Variants in PRDM6 observed in about 807,000 individuals in gnomAD.
PRDM6 encodes PR/SET domain 6.
In PRDM6, 25 loss-of-function variants were observed where a neutral mutation model predicts 60.8. The observed-to-expected ratio is 0.41, with a 90% confidence interval of 0.30 to 0.57. The LOEUF (loss-of-function observed/expected upper bound fraction) is 0.57, where lower values mean the gene tolerates loss of function less well. PRDM6 is among the 20% of genes least tolerant of loss of function. PRDM6 has a pLI of 0.27. For missense variants in PRDM6, 839 were observed against 821.3 expected, an observed-to-expected ratio of 1.02 and a Z score of -0.26; for synonymous variants, 407 against 357.4, an observed-to-expected ratio of 1.14 and a Z score of -1.57.
chr5:123,161,854 G>A (rs1398797244), intron 5 of PRDM6, among the ~76,000 whole-genome samples: 2 of 152,202 alleles, frequency 1.3e-5, no homozygotes, highest in African/African-American at 2.4e-5. Context: ...AATAATCCCT[G>A]AGTGGAGACT....
chr5:123,090,218 C>G lies in PRDM6; in HGVS notation c.204C>G (p.Ser68Arg), dbSNP rs1010945792. Residue 68 changes from serine to arginine, a missense_variant, in exon 2 of 8, where the codon AGC becomes AGG. Around this residue, in one of 2 missense-constraint regions of PRDM6, gnomAD observed 730 missense variants for 648.8 expected, o/e 1.13. Transcript: ENST00000407847. ...AGCGCGCTGAGCCTCCGCCGGACAG[C>G]CTGCGCCCGCGGCCCGCCTCTCTCT... is the stretch of plus-strand genomic sequence containing the variant. The part of the protein sequence containing the change: ...PPERAEPPPD[S>R]LRPRPASLSS... 3 of 1,474,732 alleles carry G rather than the reference C, an allele frequency of 2.0e-6. No individual in the cohort carries two copies. The highest frequency in any genetic ancestry group is 2.7e-6 in the Non-Finnish European group (3 of 1,114,594). 91.4% of individuals were successfully genotyped at this position (1,474,732 alleles called of 1,614,324 possible). A position where few individuals can be genotyped will look rare whatever the true frequency, so the allele number is the denominator to read the frequency against.
intron 3 of PRDM6, among the ~76,000 whole-genome samples, chr5:123,105,319 T>G (rs1482518319): frequency 6.6e-6 from 1 of 152,212 alleles, no homozygotes; most frequent in Non-Finnish European, 1.5e-5. Context: ...GGTTAGTGGG[T>G]AAATGAAACC....
intron 3 of PRDM6, among the ~76,000 whole-genome samples, chr5:123,140,115 C>G (rs1765063344): frequency 2.0e-5 from 3 of 151,910 alleles, no homozygotes; most frequent in African/African-American, 7.3e-5. Context: ...CAAGTGATAT[C>G]ATAATAATAT....
chr5:123,133,842 A>T (rs1764894173), intron 3 of PRDM6, among the ~76,000 whole-genome samples: 2 of 149,540 alleles, frequency 1.3e-5, no homozygotes, highest in South Asian at 4.3e-4. Context: ...AAAAAAAAAA[A>T]GGAAAGTCTC....
chr5:123,110,149 C>T (rs1319140029), intron 3 of PRDM6, among the ~76,000 whole-genome samples: 3 of 152,046 alleles, frequency 2.0e-5, no homozygotes, highest in Non-Finnish European at 4.4e-5. Context: ...CCAAGTGACA[C>T]TCTGCAGTTA....
At chr5:123,161,501 T>C (rs1765630117) in intron 5 of PRDM6, among the ~76,000 whole-genome samples, 1 of 152,154 alleles carries the variant, frequency 6.6e-6, no homozygotes, top group African/African-American at 2.4e-5. Context: ...CAGGGTAAGC[T>C]TCACTGGGAA....
At position 123,193,186 on chromosome 5, in the gene PRDM6, G is replaced by A. The variant is rs1324898389; in HGVS notation, c.*5985G>A. On this transcript the variant is annotated 3_prime_UTR_variant, in exon 8 of 8. Transcript: ENST00000407847. ...ATATTTTCCTTGTCAAACATGGTGG[G>A]TCCTGGTTGATATCTCCTGTTTCCT... The A allele has an allele frequency of 6.6e-6, 1 of 152,148 alleles. No homozygotes were observed. The highest frequency in any genetic ancestry group is 1.5e-5 in the Non-Finnish European group (1 of 68,034). The allele number at this position is 152,148 out of a possible 1,614,324, so 9.4% of individuals were successfully genotyped here. A position where few individuals can be genotyped will look rare whatever the true frequency, so the allele number is the denominator to read the frequency against.
intron 5 of PRDM6, among the ~76,000 whole-genome samples, chr5:123,166,443 GT>G (rs1232018990): frequency 7.9e-5 from 10 of 125,996 alleles, no homozygotes; most frequent in Admixed American, 5.0e-4. Context: ...TAAAATTTAT[GT>G]TTTTGTTTTT....
rs1195735144 is a variant in PRDM6, at chr5:123,191,409, C to G, written c.*4208C>G. The G allele has an allele frequency of 2.0e-5, 3 of 152,080 alleles. No individual in the cohort carries two copies. Among genetic ancestry groups the G allele is most frequent in the Non-Finnish European group, 4.4e-5 (3 of 68,024 alleles). The allele number at this position is 152,080 out of a possible 1,614,324, so 9.4% of individuals were successfully genotyped here. A position where few individuals can be genotyped will look rare whatever the true frequency, so the allele number is the denominator to read the frequency against. On this transcript the variant is annotated 3_prime_UTR_variant, in exon 8 of 8. Coordinates refer to ENST00000407847, the MANE Select transcript of PRDM6 (RefSeq NM_001136239.4). ...TGCGTTTAGGAGCAAATTCATTGCT[C>G]TCATATTAAGGCTATGCATGCCTAC...
intron 5 of PRDM6, among the ~76,000 whole-genome samples, chr5:123,163,237 T>G (rs1298337222): frequency 6.6e-6 from 1 of 152,212 alleles, no homozygotes; most frequent in Non-Finnish European, 1.5e-5. Context: ...TTGTTGTTGT[T>G]AATGAAATTG....
rs1027439484 is a variant in PRDM6, at chr5:123,171,148, T to C, written c.1496+40T>C. ...CACTGCTGACAGTGTGTTTGCTTAG[T>C]GAGACCCACTGCTTGCCTTCCCGCC... On this transcript the variant is annotated intron_variant, in intron 6 of 7. Coordinates refer to ENST00000407847, the MANE Select transcript of PRDM6 (RefSeq NM_001136239.4). 1.3e-5 allele frequency: 19 copies of C among 1,455,722 alleles called. No homozygotes were observed. In the African/African-American group the frequency reaches 2.1e-4, roughly 16 times the overall value. 90.2% of individuals were successfully genotyped at this position (1,455,722 alleles called of 1,614,324 possible).
chr5:123,107,030 A>G (rs1764211411), intron 3 of PRDM6, among the ~76,000 whole-genome samples: 1 of 152,180 alleles, frequency 6.6e-6, no homozygotes, highest in African/African-American at 2.4e-5. Flanking sequence ...TCTTACAATT[A>G]TGAAATTTCA....
chr5:123,089,814 C>G (rs1193494404), intron 1 of PRDM6, among the ~76,000 whole-genome samples, 186 bp from the exon 2 acceptor site: 1 of 152,222 alleles, frequency 6.6e-6, no homozygotes, highest in Non-Finnish European at 1.5e-5. Context: ...ACAGCTCCCT[C>G]TGTGCGGCGC....
chr5:123,162,820 C>T (rs1479337580), intron 5 of PRDM6, among the ~76,000 whole-genome samples: 1 of 152,166 alleles, frequency 6.6e-6, no homozygotes, highest in Non-Finnish European at 1.5e-5. Context: ...CTTTGACTGC[C>T]TCTAAGATGG....
chr5:123,116,469 C>G (rs1764449797), intron 3 of PRDM6, among the ~76,000 whole-genome samples: 1 of 152,164 alleles, frequency 6.6e-6, no homozygotes, highest in Non-Finnish European at 1.5e-5. Context: ...AAACTAGTTT[C>G]AAACTAAGAA....
intron 3 of PRDM6, among the ~76,000 whole-genome samples, chr5:123,133,022 G>T (rs767337923): frequency 5.2e-4 from 79 of 151,942 alleles, no homozygotes; most frequent in Non-Finnish European, 9.3e-4. Context: ...TATTCTAATA[G>T]TTATCTCCCT....
At chr5:123,180,350 C>G (rs1410558204) in intron 7 of PRDM6, 27 bp downstream of exon 7, 1 of 1,530,144 alleles carries the variant, frequency 6.5e-7, no homozygotes, top group Non-Finnish European at 8.8e-7. Context: ...CCTCCACCCT[C>G]TCTTTCTCTT....
At position 123,170,875 on chromosome 5, in the gene PRDM6, C is replaced by G; in HGVS notation, c.1263C>G (p.Phe421Leu). ...CCACCCAGCAGCGCTCCGTTGTTTTCCCCCAGACTCCGTGCAGCAGGAACT... is the reference window on the plus strand; with the variant it reads ...CCACCCAGCAGCGCTCCGTTGTTTTGCCCCAGACTCCGTGCAGCAGGAACT... The part of the protein sequence containing the change: ...APTTQQRSVV[F>L]PQTPCSRNFS... Residue 421 changes from phenylalanine to leucine, a missense_variant, in exon 6 of 8, where the codon TTC (phenylalanine) becomes TTG (leucine). Transcript: ENST00000407847. 8 of 1,552,230 alleles carry G rather than the reference C, an allele frequency of 5.2e-6. No homozygotes were observed. Among genetic ancestry groups the G allele is most frequent in the Non-Finnish European group, 7.0e-6 (8 of 1,147,100 alleles).
At position 123,168,626 on chromosome 5, in the gene PRDM6, T is replaced by C. The variant is rs1358842115; in HGVS notation, c.1154-2140T>C. Among the ~76,000 whole-genome samples the C allele has an allele frequency of 2.0e-5, 3 of 152,328 alleles. No individual in the cohort carries two copies. The East Asian group carries it at 5.8e-4, about 29-fold the overall frequency. ...CCCAGGCCCTATGGAGAGATTATAATGTAGTTTTTAAAGATTCTCCTGTGT... is the reference window on the plus strand; with the variant it reads ...CCCAGGCCCTATGGAGAGATTATAACGTAGTTTTTAAAGATTCTCCTGTGT... On this transcript the variant is annotated intron_variant, in intron 5 of 7. Coordinates refer to ENST00000407847, the MANE Select transcript of PRDM6 (RefSeq NM_001136239.4).
Sources: gnomAD v4.1 joint callset for allele counts (sites outside exome capture counted in the v4.1 genomes callset) on GRCh38, gnomAD v4.1.1 for gene constraint, gnomAD v4.1.1 regional missense constraint, MANE v1.5 for transcripts, NCBI Gene and HGNC (gene_info 2026-07-23, HGNC 2026-07-21) for gene names.